Variants in ARHGAP18 observed in about 807,000 individuals in gnomAD.
ARHGAP18 encodes Rho GTPase activating protein 18.
A neutral mutation model predicts 86.2 loss-of-function variants in ARHGAP18; 67 were observed. The ratio of observed to expected loss-of-function variants is 0.78; its 90% CI spans 0.64 to 0.95. The LOEUF (loss-of-function observed/expected upper bound fraction) is 0.95. ARHGAP18 is among the 40% of genes least tolerant of loss of function. The pLI, the probability that ARHGAP18 is intolerant of heterozygous loss-of-function variation, is 0.00. For missense variants in ARHGAP18, 691 were observed against 780.4 expected, an observed-to-expected ratio of 0.89 and a Z score of 1.37; for synonymous variants, 283 against 280.4, an observed-to-expected ratio of 1.01 and a Z score of -0.09.
At chr6:129,618,585 T>C (rs1789143678) in intron 6 of ARHGAP18, 102 bp downstream of exon 6, 1 of 1,127,772 alleles carries the variant, frequency 8.9e-7, no homozygotes. Context: ...TGTTGGTTTA[T>C]TTTGCAGGTG....
intron 1 of ARHGAP18, among the ~76,000 whole-genome samples, chr6:129,687,048 T>G (rs1294048135): frequency 3.4e-5 from 5 of 145,122 alleles, no homozygotes. Flanking sequence ...AGTCTCAAAC[T>G]CCTAACCTCA....
intron 1 of ARHGAP18, among the ~76,000 whole-genome samples, chr6:129,669,647 T>C (rs1195057224): frequency 1.3e-5 from 2 of 151,754 alleles, no homozygotes; most frequent in African/African-American, 4.8e-5. Context: ...TAGCTGGGCA[T>C]GGTGGCACAT....
At chr6:129,702,872 C>G (rs1369645936) in intron 1 of ARHGAP18, among the ~76,000 whole-genome samples, 1 of 152,202 alleles carries the variant, frequency 6.6e-6, no homozygotes, top group Non-Finnish European at 1.5e-5. Flanking sequence ...TGGTGGCGCA[C>G]GCCTGTAATC....
Position 129,629,199 on chromosome 6 carries a change from C to T in ARHGAP18, c.786+154G>A, listed in dbSNP as rs151036959. On this transcript the variant is annotated intron_variant, in intron 5 of 14. Transcript: ENST00000368149. ...AGGAGTTTGAGATAAGCCTGGGCAACGTAGTGAGGCCTCATCTTTCTCTCT... is the reference window on the plus strand; with the variant it reads ...AGGAGTTTGAGATAAGCCTGGGCAATGTAGTGAGGCCTCATCTTTCTCTCT... Among the ~76,000 whole-genome samples the T allele has an allele frequency of 7.3e-5, 11 of 151,718 alleles. No individual in the cohort carries two copies. In the East Asian group the frequency reaches 1.2e-3, roughly 16 times the overall value.
chr6:129,659,431 T>C (rs145374956), intron 1 of ARHGAP18, among the ~76,000 whole-genome samples: 1 of 152,170 alleles, frequency 6.6e-6, no homozygotes, highest in Admixed American at 6.5e-5. Context: ...GCAGGTGTAC[T>C]TCAGACAAGA....
chr6:129,706,842 T>C (rs1034486202), intron 1 of ARHGAP18, among the ~76,000 whole-genome samples: 12 of 132,876 alleles, frequency 9.0e-5, no homozygotes, highest in Admixed American at 1.8e-4. Context: ...GCCCAGATCG[T>C]GCCACGGCAT....
At chr6:129,680,393 G>A (rs922718849) in intron 1 of ARHGAP18, among the ~76,000 whole-genome samples, 5 of 152,172 alleles carry the variant, frequency 3.3e-5, no homozygotes, top group African/African-American at 1.2e-4. Flanking sequence ...GGCGTTTAAG[G>A]TGAGAATTTA....
intron 1 of ARHGAP18, among the ~76,000 whole-genome samples, chr6:129,672,999 C>T (rs867103851): frequency 5.9e-5 from 9 of 152,198 alleles, no homozygotes; most frequent in African/African-American, 2.2e-4. Context: ...GTGATATAAC[C>T]AGTTGTCTGC....
chr6:129,646,949 G>A (rs1054839105), intron 1 of ARHGAP18, among the ~76,000 whole-genome samples: 3 of 152,144 alleles, frequency 2.0e-5, no homozygotes, highest in Non-Finnish European at 4.4e-5. Flanking sequence ...TAATGGGTCT[G>A]AAAATGCACG....
chr6:129,598,432 A>G (rs1158590410), intron 12 of ARHGAP18, among the ~76,000 whole-genome samples: 1 of 152,322 alleles, frequency 6.6e-6, no homozygotes, highest in African/African-American at 2.4e-5. Context: ...TTATTCCACA[A>G]GATGTCAGCA....
chr6:129,698,415 A>G (rs1774656574), intron 1 of ARHGAP18, among the ~76,000 whole-genome samples: 1 of 152,194 alleles, frequency 6.6e-6, no homozygotes, highest in Non-Finnish European at 1.5e-5. Flanking sequence ...AGTCATTAGC[A>G]TTCAGAAATA....
intron 1 of ARHGAP18, among the ~76,000 whole-genome samples, chr6:129,655,757 A>G (rs368472812): frequency 1.4e-4 from 22 of 152,370 alleles, no homozygotes; most frequent in Middle Eastern, 3.4e-3. Flanking sequence ...ACGCCAACCA[A>G]TCTAATAGAG....
chr6:129,611,188 C>A (rs1394069776), intron 8 of ARHGAP18, among the ~76,000 whole-genome samples: 3 of 152,202 alleles, frequency 2.0e-5, no homozygotes, highest in Non-Finnish European at 4.4e-5. Context: ...AGGTGTGAAC[C>A]ACCACGCCCG....
intron 1 of ARHGAP18, among the ~76,000 whole-genome samples, chr6:129,657,227 T>G (rs1410198645): frequency 6.6e-6 from 1 of 152,214 alleles, no homozygotes. Context: ...ATTAGCACTG[T>G]TATTAATTGC....
chr6:129,696,750 T>C (rs1774623687), intron 1 of ARHGAP18, among the ~76,000 whole-genome samples: 1 of 152,206 alleles, frequency 6.6e-6, no homozygotes, highest in Non-Finnish European at 1.5e-5. Flanking sequence ...CGCATTTATA[T>C]ACAGATGGAG....
At chr6:129,675,845 A>G (rs1774223536) in intron 1 of ARHGAP18, among the ~76,000 whole-genome samples, 1 of 151,994 alleles carries the variant, frequency 6.6e-6, no homozygotes, top group Non-Finnish European at 1.5e-5. Context: ...CAATTCCTAC[A>G]CCAAGTTTAG....
At chr6:129,589,494 A>G (rs1352893655) in intron 12 of ARHGAP18, among the ~76,000 whole-genome samples, 4 of 152,160 alleles carry the variant, frequency 2.6e-5, no homozygotes, top group Non-Finnish European at 5.9e-5. Context: ...TTTTGGTCAA[A>G]GCCATTCAAT....
chr6:129,580,592 A>G (rs542674363), intron 13 of ARHGAP18, among the ~76,000 whole-genome samples: 1 of 152,346 alleles, frequency 6.6e-6, no homozygotes, highest in South Asian at 2.1e-4. Flanking sequence ...TGTGAAGAAT[A>G]AGACATGCTT....
intron 1 of ARHGAP18, among the ~76,000 whole-genome samples, chr6:129,699,168 CA>C (rs1774671514): frequency 6.6e-6 from 1 of 152,172 alleles, no homozygotes; most frequent in African/African-American, 2.4e-5. Context: ...AAATTAATTA[CA>C]TTATACAGCT....
Sources: allele counts gnomAD v4.1 joint callset (sites outside exome capture counted in the v4.1 genomes callset), GRCh38; gene constraint gnomAD v4.1.1; transcripts MANE v1.5; gene names NCBI Gene and HGNC (gene_info 2026-07-23, HGNC 2026-07-21).